NR2E3: variants seen among roughly 807,000 people sequenced by gnomAD.
NR2E3 encodes photoreceptor-specific nuclear receptor.
In NR2E3, 38 loss-of-function variants were observed where a neutral mutation model predicts 37.6. That is an observed-to-expected ratio of 1.01 (90% CI 0.78 to 1.33). The LOEUF (loss-of-function observed/expected upper bound fraction) is 1.33, where lower values mean the gene tolerates loss of function less well. Among genes scored for constraint, NR2E3 ranks in the 40% most tolerant of loss-of-function variants. NR2E3 has a pLI of 0.00. For synonymous variants in NR2E3, 235 were observed against 225.1 expected, an observed-to-expected ratio of 1.04 and a Z score of -0.39; for missense variants, 562 against 558.7, an observed-to-expected ratio of 1.01 and a Z score of -0.06.
Position 71,813,327 on chromosome 15 carries a change from G to A in NR2E3, c.748-62G>A, listed in dbSNP as rs565930081. 3.2e-6 allele frequency: 5 copies of A among 1,572,660 alleles called. No individual in the cohort carries two copies. The Admixed American group carries it at 5.5e-5, about 17-fold the overall frequency. On this transcript the variant is annotated intron_variant, in intron 5 of 7. Transcript: ENST00000617575. The surrounding 1 kb of genome is among the most constrained non-coding windows in gnomAD (Gnocchi z 4.7). ...TTGGGTGCCTGAGATGGTGGCAGAG[G>A]CTCCAGACTGAGCCAGAGAAGCTGT...
Position 71,810,643 on chromosome 15 carries a change from C to T in NR2E3, c.-101C>T. On this transcript the variant is annotated 5_prime_UTR_variant, in exon 1 of 8. Coordinates refer to ENST00000617575, the MANE Select transcript of NR2E3 (RefSeq NM_014249.4). ...TTCAGACAGAGTTCAGGAAGGGAGA[C>T]AGGGGCACAGAGAGACAGAGGTTCA... The T allele has an allele frequency of 1.3e-6, 2 of 1,511,978 alleles. No homozygotes were observed. Among genetic ancestry groups the T allele is most frequent in the Non-Finnish European group, 8.9e-7 (1 of 1,124,080 alleles). 93.7% of individuals were successfully genotyped at this position (1,511,978 alleles called of 1,614,324 possible). A position where few individuals can be genotyped will look rare whatever the true frequency, so the allele number is the denominator to read the frequency against.
At chr15:71,817,442 A>G in intron 7 of NR2E3, 110 bp from the exon 8 acceptor site, 94 of 1,346,048 alleles carry the variant, frequency 7.0e-5, no homozygotes, top group Non-Finnish European at 8.6e-5. Context: ...CACTCTGGGG[A>G]CCTCATCTCT....
At chr15:71,815,779 T>G (rs1317360067) in intron 7 of NR2E3, among the ~76,000 whole-genome samples, 1 of 152,150 alleles carries the variant, frequency 6.6e-6, no homozygotes, top group Non-Finnish European at 1.5e-5. Context: ...TACCCTTAGC[T>G]TTTACAATTT....
chr15:71,813,961 T>C lies in NR2E3; in HGVS notation c.995-51T>C. 1 of 1,576,186 alleles carries C rather than the reference T, an allele frequency of 6.3e-7. No homozygotes were observed. The highest frequency in any genetic ancestry group is 8.6e-7 in the Non-Finnish European group (1 of 1,162,544). On this transcript the variant is annotated intron_variant, in intron 6 of 7. Coordinates refer to ENST00000617575, the MANE Select transcript of NR2E3 (RefSeq NM_014249.4). The surrounding 1 kb of genome is among the most constrained non-coding windows in gnomAD (Gnocchi z 4.7). The stretch of plus-strand genomic sequence containing the variant: ...CTGGGCCACCACTTCATGGCCAGCC[T>C]TATAACAGCCGTAAACCTGTGCTAA...
In NR2E3 at chr15:71,812,153, G is replaced by A; in HGVS notation, c.548G>A (p.Cys183Tyr). The A allele has an allele frequency of 7.0e-6, 11 of 1,571,052 alleles. No individual in the cohort carries two copies. The highest frequency in any genetic ancestry group is 9.5e-6 in the Non-Finnish European group (11 of 1,158,672). The change falls in exon 4 of 8, where the codon TGT becomes TAT. Residue 183 changes from cysteine (C) to tyrosine (Y), a missense_variant. Coordinates refer to ENST00000617575, the MANE Select transcript of NR2E3 (RefSeq NM_014249.4). ...GCCAGCCTTATAACAGCTGAAACCT[G>A]TGCTAAGCTGGAGCCAGAGGATGGT... ...FMASLITAET[C>Y]AKLEPEDADE...
intron 7 of NR2E3, among the ~76,000 whole-genome samples, chr15:71,816,481 C>T (rs996934442): frequency 3.3e-5 from 5 of 151,984 alleles, no homozygotes; most frequent in African/African-American, 9.7e-5. Context: ...AGGATGGTCT[C>T]GATCTCCTGA....
rs754909545 is a variant in NR2E3, at chr15:71,817,667, G to A, written c.1216G>A (p.Asp406Asn). ...GNTPMEKLLC[D>N]MFKN ...TACTCCAATGGAGAAGCTCCTTTGT[G>A]ATATGTTCAAAAACTAGTGGGGGTG... is the stretch of plus-strand genomic sequence containing the variant. The change falls in exon 8 of 8, where the codon GAT becomes AAT. Residue 406 changes from aspartate (D) to asparagine (N), a missense_variant. Physicochemically the swap from Asp to Asn is conservative, Grantham distance 23. Coordinates refer to ENST00000617575, the MANE Select transcript of NR2E3 (RefSeq NM_014249.4). 2 of 1,603,100 alleles carry A rather than the reference G, an allele frequency of 1.2e-6. No homozygotes were observed. The highest frequency in any genetic ancestry group is 8.5e-7 in the Non-Finnish European group (1 of 1,170,834).
rs1299121446 is a variant in NR2E3 at position 71,814,187 on chromosome 15, C to G, written c.1100+70C>G. The G allele has an allele frequency of 2.0e-6, 3 of 1,532,840 alleles. No homozygotes were observed. In the African/African-American group the frequency reaches 4.1e-5, roughly 21 times the overall value. The allele number at this position is 1,532,840 out of a possible 1,614,324, so 95.0% of individuals were successfully genotyped here. A position where few individuals can be genotyped will look rare whatever the true frequency, so the allele number is the denominator to read the frequency against. ...AACCTTTCTCTGCCTCTCCCACACTCTCCCAGAGCTCACTGATTAGACAGC... is the reference window on the plus strand; with the variant it reads ...AACCTTTCTCTGCCTCTCCCACACTGTCCCAGAGCTCACTGATTAGACAGC... On this transcript the variant is annotated intron_variant, in intron 7 of 7. Coordinates refer to ENST00000617575, the MANE Select transcript of NR2E3 (RefSeq NM_014249.4).
chr15:71,817,787 C>T lies in NR2E3; in HGVS notation c.*103C>T. The T allele has an allele frequency of 9.1e-7, 1 of 1,096,176 alleles. No individual in the cohort carries two copies. Among genetic ancestry groups the T allele is most frequent in the Non-Finnish European group, 1.3e-6 (1 of 772,638 alleles). 67.9% of individuals were successfully genotyped at this position (1,096,176 alleles called of 1,614,324 possible). A position where few individuals can be genotyped will look rare whatever the true frequency, so the allele number is the denominator to read the frequency against. ...CAGCAATTCCTCGTAGGTGTGTGTA[C>T]CCAGCAGAAATGCCCACCGAAAGAT... On this transcript the variant is annotated 3_prime_UTR_variant, in exon 8 of 8. Coordinates refer to ENST00000617575, the MANE Select transcript of NR2E3 (RefSeq NM_014249.4).
At position 71,813,363 on chromosome 15, in the gene NR2E3, T is replaced by C. The variant is rs2054201351; in HGVS notation, c.748-26T>C. The C allele has an allele frequency of 1.2e-6, 2 of 1,606,248 alleles. No individual in the cohort carries two copies. The highest frequency in any genetic ancestry group is 1.7e-6 in the Non-Finnish European group (2 of 1,176,758). ...AGCCAGAGAAGCTGTGTGTCTGCCA[T>C]AACAGGCACCCCTGTCTGAGCACAG... On this transcript the variant is annotated intron_variant, in intron 5 of 7. Coordinates refer to ENST00000617575, the MANE Select transcript of NR2E3 (RefSeq NM_014249.4). This position sits in a 1 kb window ranked among gnomAD's most constrained non-coding sequence, Gnocchi z 4.7.
intron 1 of NR2E3, 80 bp downstream of exon 1, chr15:71,810,941 G>C (rs977254128): frequency 1.3e-5 from 18 of 1,395,468 alleles, no homozygotes; most frequent in Non-Finnish European, 1.7e-5. Context: ...AGGGACCATG[G>C]AAGGAGCCAG....
intron 7 of NR2E3, 91 bp from the exon 8 acceptor site, chr15:71,817,461 T>TCCTCCCCTC: frequency 6.8e-7 from 1 of 1,473,256 alleles, no homozygotes. Context: ...CTCCTCTCCT[T>TCCTCCCCTC]CCTCCCCTCC....
chr15:71,814,293 A>T (rs1340411499), intron 7 of NR2E3, 176 bp downstream of exon 7: 1 of 1,411,192 alleles, frequency 7.1e-7, no homozygotes, highest in Non-Finnish European at 9.2e-7. Flanking sequence ...GTGGGGACCA[A>T]GATGTACATA....
chr15:71,811,980 A>C lies in NR2E3; in HGVS notation c.375A>C (p.Arg125=), dbSNP rs1480479749. 1 of 1,553,080 alleles carries C rather than the reference A, an allele frequency of 6.4e-7. No individual in the cohort carries two copies. The highest frequency in any genetic ancestry group is 8.7e-7 in the Non-Finnish European group (1 of 1,148,344). The change falls in exon 4 of 8, where the codon CGA becomes CGC. Residue 125 remains arginine (R), a synonymous_variant. Transcript: ENST00000617575. The surrounding 1 kb of genome is among the most constrained non-coding windows in gnomAD (Gnocchi z 5.6). ...CCGTGCAGAACGAGCGCCAGCCGCGAAGCACAGCCCAGGTCCACCTGGACA... is the reference window on the plus strand; with the variant it reads ...CCGTGCAGAACGAGCGCCAGCCGCGCAGCACAGCCCAGGTCCACCTGGACA... ...QDAVQNERQP[R]STAQVHLDSM...
chr15:71,815,679 TA>T (rs1029357603), intron 7 of NR2E3, among the ~76,000 whole-genome samples: 1 of 152,214 alleles, frequency 6.6e-6, no homozygotes, highest in African/African-American at 2.4e-5. Flanking sequence ...TTTCAGTTTT[TA>T]AAAACTGCAA....
chr15:71,813,575 G>T lies in NR2E3; in HGVS notation c.934G>T (p.Ala312Ser). Residue 312 changes from alanine (A) to serine (S), a missense_variant, in exon 6 of 8, where the codon GCA becomes TCA. Physicochemically the swap from Ala to Ser is moderately conservative, Grantham distance 99. Transcript: ENST00000617575. The surrounding 1 kb of genome is among the most constrained non-coding windows in gnomAD (Gnocchi z 4.7). ...GCAGGAAACTATCTCTCGGTTCCGGGCATTGGCGGTGGACCCCACGGAGTT... is the reference window on the plus strand; with the variant it reads ...GCAGGAAACTATCTCTCGGTTCCGGTCATTGGCGGTGGACCCCACGGAGTT... ...VLQETISRFR[A>S]LAVDPTEFAC... 6.2e-7 allele frequency: 1 copy of T among 1,613,982 alleles called. No individual in the cohort carries two copies. Among genetic ancestry groups the T allele is most frequent in the Non-Finnish European group, 8.5e-7 (1 of 1,179,876 alleles).
intron 7 of NR2E3, among the ~76,000 whole-genome samples, chr15:71,816,775 A>G (rs1268019306): frequency 6.6e-6 from 1 of 152,080 alleles, no homozygotes; most frequent in African/African-American, 2.4e-5. Context: ...TAATATTTTC[A>G]TATACAGGTG....
At position 71,817,682 on chromosome 15, in the gene NR2E3, T is replaced by C; in HGVS notation, c.1231T>C (p.Ter411GlnextTer5). ...EKLLCDMFKN[*>Q] ...GCTCCTTTGTGATATGTTCAAAAAC[T>C]AGTGGGGGTGGAGGTGAAATGTTTC... The change falls in exon 8 of 8, where the codon TAG becomes CAG. Residue 411 changes from the stop codon to glutamine (Q), a stop_lost. Transcript: ENST00000617575. 2 of 1,596,040 alleles carry C rather than the reference T, an allele frequency of 1.3e-6. No homozygotes were observed. The highest frequency in any genetic ancestry group is 8.6e-7 in the Non-Finnish European group (1 of 1,165,170).
Position 71,813,706 on chromosome 15 carries a change from A to T in NR2E3, c.994+71A>T. On this transcript the variant is annotated intron_variant, in intron 6 of 7. Coordinates refer to ENST00000617575, the MANE Select transcript of NR2E3 (RefSeq NM_014249.4). This position sits in a 1 kb window ranked among gnomAD's most constrained non-coding sequence, Gnocchi z 4.7. ...TCCATCTGCCTCTCACTCTCCCTCC[A>T]CTACCCCCATGTGTGCAGATGTGTG... 1 of 1,597,004 alleles carries T rather than the reference A, an allele frequency of 6.3e-7. No individual in the cohort carries two copies. Among genetic ancestry groups the T allele is most frequent in the South Asian group, 1.1e-5 (1 of 90,616 alleles).
Sources: gnomAD v4.1 joint callset for allele counts (sites outside exome capture counted in the v4.1 genomes callset) on GRCh38, gnomAD v4.1.1 for gene constraint, Gnocchi (gnomAD v3.1) non-coding constraint, MANE v1.5 for transcripts, NCBI Gene and HGNC (gene_info 2026-07-23, HGNC 2026-07-21) for gene names.